Variants in NTM observed in about 807,000 individuals in gnomAD.
NTM encodes the protein IgLON family member 2.
In NTM, 13 loss-of-function variants were observed where a neutral mutation model predicts 42.1. The observed-to-expected ratio is 0.31, with a 90% confidence interval of 0.20 to 0.49. The LOEUF (loss-of-function observed/expected upper bound fraction) is 0.49. Ranked by LOEUF, NTM falls within the 20% of genes least tolerant of loss-of-function variation. NTM has a pLI of 0.99. For synonymous variants in NTM, 187 were observed against 179.2 expected, an observed-to-expected ratio of 1.04 and a Z score of -0.35; for missense variants, 373 against 452.8, an observed-to-expected ratio of 0.82 and a Z score of 1.60.
Position 132,137,548 on chromosome 11 carries a change from G to T in NTM, c.168-8734G>T, listed in dbSNP as rs76911560. On this transcript the variant is annotated intron_variant, in intron 2 of 8. Coordinates refer to ENST00000683400, the MANE Select transcript of NTM (RefSeq NM_001352005.2). ...ATAGTCAGGGATCCTACAGGGAAAA[G>T]ATGGCATCCTCAAACTGGGTAATTT... is the stretch of plus-strand genomic sequence containing the variant. 9.6e-3 allele frequency among the ~76,000 whole-genome samples: 1,464 copies of T among 152,324 alleles called. 19 individuals are homozygous for T. The highest frequency in any genetic ancestry group is 0.033 in the African/African-American group (1,385 of 41,572).
At chr11:132,200,007 G>T (rs191240109) in intron 3 of NTM, among the ~76,000 whole-genome samples, 113 of 152,250 alleles carry the variant, frequency 7.4e-4, no homozygotes, top group Admixed American at 1.4e-3. Context: ...CTCCAGCACT[G>T]TGACATTTCA....
In NTM at chr11:131,789,467, AAG is replaced by A. The variant is rs1491171857; in HGVS notation, c.83-122095_83-122094del. Among the ~76,000 whole-genome samples the A allele has an allele frequency of 1.2e-3, 17 of 14,192 alleles. 3 individuals carry two copies. The highest frequency in any genetic ancestry group is 3.1e-3 in the East Asian group (2 of 654). The allele number at this position is 14,192 out of a possible 152,430, so 9.3% of individuals were successfully genotyped here. On this transcript the variant is annotated intron_variant, in intron 1 of 8. Transcript: ENST00000683400. ...GAAGAAGAAGAAGAAGAAGAAGAAGAAGAAGAAGAAGAAGAAGAAGAAGAGGA... is the reference window on the plus strand; with the variant it reads ...GAAGAAGAAGAAGAAGAAGAAGAAGAAAGAAGAAGAAGAAGAAGAAGAGGA...
chr11:132,023,441 C>G (rs74589070), intron 2 of NTM, among the ~76,000 whole-genome samples: 3,327 of 152,284 alleles, frequency 0.022, 127 homozygotes, highest in African/African-American at 0.074. Context: ...ACAGCTGGGC[C>G]TGTGAGAAGG....
chr11:132,249,871 G>A (rs2139360895), intron 4 of NTM, among the ~76,000 whole-genome samples: 1 of 152,134 alleles, frequency 6.6e-6, no homozygotes, highest in East Asian at 1.9e-4. Context: ...CTCTCTCTTG[G>A]CCCAACTTCA....
chr11:132,007,505 A>G (rs781141808), intron 2 of NTM, among the ~76,000 whole-genome samples: 1 of 152,200 alleles, frequency 6.6e-6, no homozygotes, highest in African/African-American at 2.4e-5. Context: ...CAGCCCTGAA[A>G]TGTGAGGTTT....
chr11:131,608,467 TA>T (rs1189710934), intron 1 of NTM, among the ~76,000 whole-genome samples: 5 of 152,162 alleles, frequency 3.3e-5, no homozygotes, highest in African/African-American at 9.7e-5. Flanking sequence ...AAACCTCAAT[TA>T]AGAAAGAAAG....
At chr11:131,861,906 G>C (rs2046673399) in intron 1 of NTM, among the ~76,000 whole-genome samples, 8 of 152,116 alleles carry the variant, frequency 5.3e-5, no homozygotes. Context: ...GGTCCCAAAT[G>C]CACGTGGGTC....
rs530535008 is a variant in NTM at position 131,600,672 on chromosome 11, C to T, written c.82+229784C>T. ...ATATCCTGCCTACGTTTAGCAGGTC[C>T]ACTGCCAAGAAAGGAACCTGACCGC... On this transcript the variant is annotated intron_variant, in intron 1 of 8. Transcript: ENST00000683400. Among the ~76,000 whole-genome samples, 4 of 152,268 alleles carry T rather than the reference C, an allele frequency of 2.6e-5. No individual in the cohort carries two copies. The South Asian group carries it at 8.3e-4, about 32-fold the overall frequency.
At chr11:131,385,832 T>C (rs1313858458) in intron 1 of NTM, among the ~76,000 whole-genome samples, 1 of 152,204 alleles carries the variant, frequency 6.6e-6, no homozygotes, top group African/African-American at 2.4e-5. Flanking sequence ...CACTCCAGCC[T>C]GCACAGCAGA....
At chr11:131,985,248 A>G (rs543755296) in intron 2 of NTM, among the ~76,000 whole-genome samples, 49 of 152,286 alleles carry the variant, frequency 3.2e-4, no homozygotes, top group Non-Finnish European at 6.0e-4. Context: ...ATCACAAGGG[A>G]CAGTTTTACC....
chr11:132,101,702 AGTCT>A (rs2061651501), intron 2 of NTM, among the ~76,000 whole-genome samples: 2 of 152,240 alleles, frequency 1.3e-5, no homozygotes, highest in Admixed American at 6.5e-5. Context: ...TCCTCTTCTC[AGTCT>A]GTCTATCACT....
chr11:131,907,322 T>G (rs932053464), intron 1 of NTM, among the ~76,000 whole-genome samples: 8 of 152,238 alleles, frequency 5.3e-5, no homozygotes, highest in African/African-American at 1.7e-4. Flanking sequence ...GTTCCAGCCC[T>G]GCTTCAGTGT....
rs992643167 is a variant in NTM, at chr11:132,261,917, C to T, written c.527-45772C>T. Among the ~76,000 whole-genome samples the T allele has an allele frequency of 2.0e-5, 3 of 152,206 alleles. No homozygotes were observed. The East Asian group carries it at 5.8e-4, about 29-fold the overall frequency. On this transcript the variant is annotated intron_variant, in intron 4 of 8. Coordinates refer to ENST00000683400, the MANE Select transcript of NTM (RefSeq NM_001352005.2). ...AGGTGGGTGACTGGGTTGAATCCAT[C>T]GACAGCTGCAGATCCAGGGCTTGCC...
intron 1 of NTM, among the ~76,000 whole-genome samples, chr11:131,677,425 C>T (rs1050581873): frequency 3.3e-5 from 5 of 152,142 alleles, no homozygotes; most frequent in Non-Finnish European, 5.9e-5. Context: ...AACATATCAG[C>T]GAGGTGCCTG....
intron 1 of NTM, among the ~76,000 whole-genome samples, chr11:131,414,593 G>T (rs976979440): frequency 1.3e-5 from 2 of 152,188 alleles, no homozygotes; most frequent in Non-Finnish European, 2.9e-5. Flanking sequence ...ACTCTGTGAG[G>T]TTCTTTGGAT....
Position 131,592,357 on chromosome 11 carries a change from T to C in NTM, c.82+221469T>C, listed in dbSNP as rs117440203. ...GCAAAATGGCTTTGAGCAGCAGCTA[T>C]AGCCTTTTAACCTAAGATCCACGAA... On this transcript the variant is annotated intron_variant, in intron 1 of 8. Transcript: ENST00000683400. 4.7e-3 allele frequency among the ~76,000 whole-genome samples: 717 copies of C among 152,190 alleles called. 7 individuals are homozygous for C. The highest frequency in any genetic ancestry group is 8.1e-3 in the Non-Finnish European group (550 of 68,004).
intron 2 of NTM, among the ~76,000 whole-genome samples, chr11:132,061,872 T>C (rs1462265544): frequency 2.0e-5 from 3 of 152,102 alleles, no homozygotes; most frequent in Admixed American, 6.6e-5. Context: ...TTTTTAAAAA[T>C]TTTCTTTTGT....
chr11:131,649,641 T>C (rs1565374106), intron 1 of NTM, among the ~76,000 whole-genome samples: 1 of 152,158 alleles, frequency 6.6e-6, no homozygotes. Flanking sequence ...ACACCGTAGA[T>C]AGTAAACTCT....
At chr11:131,922,468 C>T (rs958927165) in intron 2 of NTM, among the ~76,000 whole-genome samples, 1 of 152,248 alleles carries the variant, frequency 6.6e-6, no homozygotes, top group Non-Finnish European at 1.5e-5. Flanking sequence ...GCTACTCCAT[C>T]CTGCCCTTCC....
Sources: allele counts gnomAD v4.1 joint callset (sites outside exome capture counted in the v4.1 genomes callset), GRCh38; gene constraint gnomAD v4.1.1; transcripts MANE v1.5; gene names NCBI Gene and HGNC (gene_info 2026-07-23, HGNC 2026-07-21).